Variants in TMEM248 observed in about 807,000 individuals in gnomAD.
TMEM248 encodes the protein UPF0458 protein C7orf42.
Under a neutral mutation model 30.3 loss-of-function variants are expected in TMEM248, and 9 were observed. The observed-to-expected ratio is 0.30, with a 90% CI of 0.18 to 0.52. TMEM248 has a LOEUF of 0.52. Ranked by LOEUF, TMEM248 falls within the 20% of genes least tolerant of loss-of-function variation. The pLI is 0.97. For missense variants in TMEM248, 338 were observed against 403.3 expected (o/e 0.84, Z 1.39); for synonymous variants, 184 against 154.4 (o/e 1.19, Z -1.42).
At chr7:66,925,655 G>C (rs1791503065) in intron 1 of TMEM248, among the ~76,000 whole-genome samples, 1 of 151,672 alleles carries the variant, frequency 6.6e-6, no homozygotes, top group East Asian at 1.9e-4. Context: ...TCAGCAGTGG[G>C]ATTGCTGGAT....
intron 4 of TMEM248, among the ~76,000 whole-genome samples, chr7:66,949,053 C>T (rs1382649919): frequency 6.6e-6 from 1 of 151,256 alleles, no homozygotes; most frequent in Non-Finnish European, 1.5e-5. Flanking sequence ...GCGATCCCAG[C>T]ACTGTGGAAG....
rs1027393365 is a variant in TMEM248, at chr7:66,957,730, A to G, written c.*2208A>G. On this transcript the variant is annotated 3_prime_UTR_variant, in exon 7 of 7. Transcript: ENST00000341567. ...TCGTTCAATCCAGCTTGTTGCTAAT[A>G]TTAGTTACCCTTGTTTTAATGACAG... 2 of 152,194 alleles carry G rather than the reference A, an allele frequency of 1.3e-5. No homozygotes were observed. Among genetic ancestry groups the G allele is most frequent in the African/African-American group, 4.8e-5 (2 of 41,454 alleles). The allele number at this position is 152,194 out of a possible 1,614,324, so 9.4% of individuals were successfully genotyped here. A position where few individuals can be genotyped will look rare whatever the true frequency, so the allele number is the denominator to read the frequency against.
At chr7:66,954,314 CTT>C (rs976591527) in intron 6 of TMEM248, among the ~76,000 whole-genome samples, 10 of 149,500 alleles carry the variant, frequency 6.7e-5, no homozygotes, top group African/African-American at 1.7e-4. Context: ...ATTTTTAAAA[CTT>C]GTGTTATTTT....
At chr7:66,927,624 GTT>G (rs369608291) in intron 1 of TMEM248, among the ~76,000 whole-genome samples, 7 of 126,276 alleles carry the variant, frequency 5.5e-5, no homozygotes, top group Admixed American at 7.9e-5. Flanking sequence ...TTTGGGTTTT[GTT>G]TTTTTTTTTT....
chr7:66,933,177 G>A (rs1791713135), intron 1 of TMEM248, among the ~76,000 whole-genome samples: 1 of 152,080 alleles, frequency 6.6e-6, no homozygotes, highest in South Asian at 2.1e-4. Flanking sequence ...TGTTTTGGTG[G>A]TTGTGGGGGA....
Position 66,936,736 on chromosome 7 carries a change from C to T in TMEM248, c.-18-5112C>T, listed in dbSNP as rs544204823. Among the ~76,000 whole-genome samples the T allele has an allele frequency of 6.6e-5, 10 of 152,182 alleles. No homozygotes were observed. In the East Asian group the frequency reaches 1.4e-3, roughly 21 times the overall value. The stretch of plus-strand genomic sequence containing the variant: ...ATCCATTTCTTCTAGGTTTTCCAGC[C>T]GGTGTGCAGTTGCTCGTGGTAGCCT... On this transcript the variant is annotated intron_variant, in intron 1 of 6. Transcript: ENST00000341567.
At chr7:66,922,854 C>T (rs145385665) in intron 1 of TMEM248, among the ~76,000 whole-genome samples, 2,011 of 151,228 alleles carry the variant, frequency 0.013, 48 homozygotes, top group African/African-American at 0.045. Context: ...TACAGGTGCC[C>T]GCCACCATGC....
At chr7:66,954,646 ATT>A (rs993044589) in intron 6 of TMEM248, among the ~76,000 whole-genome samples, 8 of 151,950 alleles carry the variant, frequency 5.3e-5, no homozygotes, top group African/African-American at 1.9e-4. Flanking sequence ...ATCCACCCAC[ATT>A]GGCCTCTCAA....
intron 2 of TMEM248, among the ~76,000 whole-genome samples, chr7:66,944,362 C>T (rs1268508369): frequency 1.3e-5 from 2 of 152,176 alleles, no homozygotes; most frequent in East Asian, 3.9e-4. Context: ...ACCTTGGCCT[C>T]CCAAAGTGCT....
chr7:66,955,551 AC>A lies in TMEM248; in HGVS notation c.*30del. The A allele has an allele frequency of 6.2e-7, 1 of 1,613,696 alleles. No homozygotes were observed. The highest frequency in any genetic ancestry group is 1.1e-5 in the South Asian group (1 of 91,046). ...CACAGCTCCTTGTTTTTTGAGAGAG[AC>A]TGAGAGAACCATAATCCTTGCCTGC... is the stretch of plus-strand genomic sequence containing the variant. On this transcript the variant is annotated 3_prime_UTR_variant, in exon 7 of 7. Coordinates refer to ENST00000341567, the MANE Select transcript of TMEM248 (RefSeq NM_017994.5).
At chr7:66,951,313 T>G (rs1792264195) in intron 5 of TMEM248, 178 bp downstream of exon 5, 2 of 491,786 alleles carry the variant, frequency 4.1e-6, no homozygotes, top group Non-Finnish European at 6.6e-6. Context: ...TGGAAAAACA[T>G]GTTACCCATT....
intron 3 of TMEM248, among the ~76,000 whole-genome samples, chr7:66,947,573 T>A (rs1792143817): frequency 6.6e-6 from 1 of 152,146 alleles, no homozygotes; most frequent in Non-Finnish European, 1.5e-5. Flanking sequence ...CAGCTAATTT[T>A]GTATTTTTAG....
intron 1 of TMEM248, among the ~76,000 whole-genome samples, chr7:66,931,061 G>T (rs759865824): frequency 1.3e-5 from 2 of 152,102 alleles, no homozygotes; most frequent in Non-Finnish European, 2.9e-5. Context: ...CCAGCACTTT[G>T]GGAGGCTGAG....
chr7:66,950,523 C>G (rs1464497367), intron 4 of TMEM248, among the ~76,000 whole-genome samples: 1 of 152,184 alleles, frequency 6.6e-6, no homozygotes, highest in Non-Finnish European at 1.5e-5. Flanking sequence ...CCATGCTGAA[C>G]TGTGAGTCAA....
rs1277063880 is a variant in TMEM248, at chr7:66,957,379, TTC to T, written c.*1859_*1860del. The T allele has an allele frequency of 6.6e-6, 1 of 152,252 alleles. No individual in the cohort carries two copies. Among genetic ancestry groups the T allele is most frequent in the Non-Finnish European group, 1.5e-5 (1 of 68,042 alleles). The allele number at this position is 152,252 out of a possible 1,614,324, so 9.4% of individuals were successfully genotyped here. On this transcript the variant is annotated 3_prime_UTR_variant, in exon 7 of 7. Coordinates refer to ENST00000341567, the MANE Select transcript of TMEM248 (RefSeq NM_017994.5). The stretch of plus-strand genomic sequence containing the variant: ...ATAGTAACTTGATATGTTAGTATTT[TTC>T]TTTTTCCTTTTAGTATGTTTCAAGT...
At chr7:66,936,164 C>T (rs553742339) in intron 1 of TMEM248, among the ~76,000 whole-genome samples, 1 of 152,254 alleles carries the variant, frequency 6.6e-6, no homozygotes, top group South Asian at 2.1e-4. Flanking sequence ...TTCAGTTTTT[C>T]ACCATTCAGT....
At chr7:66,949,141 TAAA>T (rs530357268) in intron 4 of TMEM248, among the ~76,000 whole-genome samples, 5 of 130,848 alleles carry the variant, frequency 3.8e-5, no homozygotes, top group Non-Finnish European at 5.0e-5. Flanking sequence ...TGTCTCTATT[TAAA>T]AAAAAAAAAA....
At chr7:66,954,357 TTC>T (rs1358979771) in intron 6 of TMEM248, among the ~76,000 whole-genome samples, 3 of 152,056 alleles carry the variant, frequency 2.0e-5, no homozygotes, top group African/African-American at 7.2e-5. Context: ...TTGGTTTTTT[TTC>T]TTTTGAGTAT....
At chr7:66,949,859 A>G (rs935486352) in intron 4 of TMEM248, among the ~76,000 whole-genome samples, 3 of 152,050 alleles carry the variant, frequency 2.0e-5, no homozygotes, top group African/African-American at 2.4e-5. Flanking sequence ...GGAGATAATT[A>G]TCTATAAATA....
Sources: gnomAD v4.1 joint callset for allele counts (sites outside exome capture counted in the v4.1 genomes callset) on GRCh38, gnomAD v4.1.1 for gene constraint, MANE v1.5 for transcripts, NCBI Gene and HGNC (gene_info 2026-07-23, HGNC 2026-07-21) for gene names.